The following CHPF2 variants were observed in gnomAD, a reference collection of about 807,000 sequenced individuals.
CHPF2 encodes the protein chondroitin polymerizing factor 2, also known as chondroitin polymerizing factor 2, non-catalytic subunit.
A neutral mutation model predicts 63.0 loss-of-function variants in CHPF2; 58 were observed. The ratio of observed to expected loss-of-function variants is 0.92; its 90% CI spans 0.75 to 1.15. The LOEUF (loss-of-function observed/expected upper bound fraction) is 1.15, where lower values mean the gene tolerates loss of function less well. Among genes scored for constraint, CHPF2 ranks in the 50% most tolerant of loss-of-function variants. CHPF2 has a pLI of 0.00. For synonymous variants in CHPF2, 442 were observed against 438.0 expected, an observed-to-expected ratio of 1.01 and a Z score of -0.11; for missense variants, 1,045 against 1,035.4, an observed-to-expected ratio of 1.01 and a Z score of -0.13.
rs769832181 is a variant in CHPF2 at position 151,235,452 on chromosome 7, G to C, written c.668G>C (p.Cys223Ser). ...FIGAGEQARY[C>S]HGGFGYLLSR... ...GGCGCAGGCGAGCAGGCCCGGTACTGTCATGGGGGCTTTGGCTACCTGTTG... is the reference window on the plus strand; with the variant it reads ...GGCGCAGGCGAGCAGGCCCGGTACTCTCATGGGGGCTTTGGCTACCTGTTG... The change falls in exon 2 of 4, where the codon TGT (cysteine) becomes TCT (serine). Residue 223 changes from cysteine (C) to serine (S), a missense_variant. Transcript: ENST00000035307. The C allele has an allele frequency of 1.2e-6, 2 of 1,612,050 alleles. No individual in the cohort carries two copies. Among genetic ancestry groups the C allele is most frequent in the South Asian group, 2.2e-5 (2 of 91,082 alleles).
In CHPF2 at chr7:151,232,623, A is replaced by G. The variant is rs1039027116; in HGVS notation, c.-1389A>G. ...GTGCGGGACGCCGCTCTTGGTCCCCACGCCTCCGCCCCGCCCCCTCCCGGG... is the reference window on the plus strand; with the variant it reads ...GTGCGGGACGCCGCTCTTGGTCCCCGCGCCTCCGCCCCGCCCCCTCCCGGG... On this transcript the variant is annotated 5_prime_UTR_variant, in exon 1 of 4. Transcript: ENST00000035307. The G allele has an allele frequency of 8.5e-5, 68 of 799,322 alleles. No individual in the cohort carries two copies. The highest frequency in any genetic ancestry group is 1.7e-4 in the Admixed American group (5 of 29,132). 49.5% of individuals were successfully genotyped at this position (799,322 alleles called of 1,614,324 possible).
At chr7:151,236,375 G>A (rs1802648550) in intron 2 of CHPF2, 33 bp from the exon 3 acceptor site, 1 of 1,533,330 alleles carries the variant, frequency 6.5e-7, no homozygotes, top group East Asian at 2.3e-5. Flanking sequence ...CAGCTCTTGT[G>A]TGTGTCATTG....
Position 151,235,173 on chromosome 7 carries a change from G to T in CHPF2, c.389G>T (p.Arg130Leu). ...VNRTVAHHFP[R>L]LLYFTGQRGA... is the part of the protein sequence containing the mutation. ...CGTACGGTGGCCCATCACTTCCCTC[G>T]GTTACTCTACTTCACTGGGCAGCGG... The change falls in exon 2 of 4, where the codon CGG (arginine) becomes CTG (leucine). Residue 130 changes from arginine (R) to leucine (L), a missense_variant. Transcript: ENST00000035307. 1 of 1,613,358 alleles carries T rather than the reference G, an allele frequency of 6.2e-7. No individual in the cohort carries two copies. The highest frequency in any genetic ancestry group is 1.3e-5 in the African/African-American group (1 of 75,036).
In CHPF2 at chr7:151,238,078, C is replaced by T. The variant is rs753457575; in HGVS notation, c.1716C>T (p.Ser572=). 2 of 1,612,390 alleles carry T rather than the reference C, an allele frequency of 1.2e-6. No homozygotes were observed. Among genetic ancestry groups the T allele is most frequent in the Non-Finnish European group, 1.7e-6 (2 of 1,180,002 alleles). ...AWLAVRAEAP[S]QVRLMDVVSK... ...TCGCTGTGCGAGCAGAGGCCCCTTC[C>T]CAGGTGCGACTCATGGACGTGGTCT... The change falls in exon 4 of 4, where the codon TCC becomes TCT. Residue 572 remains serine, a synonymous_variant. Coordinates refer to ENST00000035307, the MANE Select transcript of CHPF2 (RefSeq NM_019015.3).
At position 151,233,417 on chromosome 7, in the gene CHPF2, G is replaced by C. The variant is rs1802532283; in HGVS notation, c.-595G>C. On this transcript the variant is annotated 5_prime_UTR_variant, in exon 1 of 4. Coordinates refer to ENST00000035307, the MANE Select transcript of CHPF2 (RefSeq NM_019015.3). ...CTTCTCAAACACGGGGAGCAGAGTA[G>C]AAAGAGGCTCTGGCCCCTTCCCTTG... is the stretch of plus-strand genomic sequence containing the variant. The C allele has an allele frequency of 1.4e-5, 14 of 985,622 alleles. No homozygotes were observed. In the South Asian group the frequency reaches 4.7e-4, roughly 33 times the overall value. The allele number at this position is 985,622 out of a possible 1,614,324, so 61.1% of individuals were successfully genotyped here. A position where few individuals can be genotyped will look rare whatever the true frequency, so the allele number is the denominator to read the frequency against.
At chr7:151,236,205 C>G (rs62489655) in intron 2 of CHPF2, among the ~76,000 whole-genome samples, 3 of 152,146 alleles carry the variant, frequency 2.0e-5, no homozygotes, top group Non-Finnish European at 4.4e-5. Flanking sequence ...CCGAGAGTGT[C>G]CTTAGTTGCC....
In CHPF2 at chr7:151,233,353, G is replaced by A; in HGVS notation, c.-659G>A. ...TGTGCCATGCGAGTGGCTCCAGACC[G>A]CTCCTGAGTGGGAGGAGGGGTTCCT... On this transcript the variant is annotated 5_prime_UTR_variant, in exon 1 of 4. Transcript: ENST00000035307. The A allele has an allele frequency of 1.0e-6, 1 of 986,026 alleles. No homozygotes were observed. Among genetic ancestry groups the A allele is most frequent in the South Asian group, 4.7e-5 (1 of 21,350 alleles). The allele number at this position is 986,026 out of a possible 1,614,324, so 61.1% of individuals were successfully genotyped here.
chr7:151,236,322 C>T, intron 2 of CHPF2, 86 bp from the exon 3 acceptor site: 1 of 1,209,820 alleles, frequency 8.3e-7, no homozygotes, highest in Non-Finnish European at 1.2e-6. Context: ...GCAGTGCTAA[C>T]AGATGTGAAC....
rs775783740 is a variant in CHPF2 at position 151,237,956 on chromosome 7, C to T, written c.1594C>T (p.Arg532Ter). 21 of 1,613,040 alleles carry T rather than the reference C, an allele frequency of 1.3e-5. No homozygotes were observed. Among genetic ancestry groups the T allele is most frequent in the Admixed American group, 1.7e-5 (1 of 60,014 alleles). ...CACCCTGTTGCTGGTCTACGGGCCACGAGAAGGTGGCCGTGGAGCTCCAGA... is the reference window on the plus strand; with the variant it reads ...CACCCTGTTGCTGGTCTACGGGCCATGAGAAGGTGGCCGTGGAGCTCCAGA... ...LLTLLLVYGP[R>*]EGGRGAPDPF... The change falls in exon 4 of 4, where the codon CGA (arginine) becomes TGA (stop). Residue 532 changes from arginine to a stop codon, truncating the protein, a stop_gained. Coordinates refer to ENST00000035307, the MANE Select transcript of CHPF2 (RefSeq NM_019015.3). LOFTEE classifies it high-confidence loss of function.
intron 2 of CHPF2, among the ~76,000 whole-genome samples, chr7:151,235,903 G>T (rs568362478): frequency 6.6e-6 from 1 of 152,358 alleles, no homozygotes; most frequent in East Asian, 1.9e-4. Flanking sequence ...AGTTATGGCA[G>T]TGTGGGCATG....
At position 151,233,911 on chromosome 7, in the gene CHPF2, C is replaced by T. The variant is rs1243888618; in HGVS notation, c.-101C>T. 7.3e-7 allele frequency: 1 copy of T among 1,378,708 alleles called. No individual in the cohort carries two copies. Among genetic ancestry groups the T allele is most frequent in the African/African-American group, 1.5e-5 (1 of 67,854 alleles). 85.4% of individuals were successfully genotyped at this position (1,378,708 alleles called of 1,614,324 possible). ...TCTTTGGCCTCATTGACCCCAGGTT[C>T]TCTGGTTAAAACTGAAAGCCTACTA... On this transcript the variant is annotated 5_prime_UTR_variant, in exon 1 of 4. Coordinates refer to ENST00000035307, the MANE Select transcript of CHPF2 (RefSeq NM_019015.3).
intron 3 of CHPF2, chr7:151,236,900 C>T (rs1802671145): frequency 1.1e-5 from 6 of 550,370 alleles, no homozygotes; most frequent in Non-Finnish European, 1.7e-5. Flanking sequence ...TTAGCTCCTC[C>T]TCAATAGTGC....
In CHPF2 at chr7:151,235,197, G is replaced by A. The variant is rs781132727; in HGVS notation, c.413G>A (p.Arg138Gln). ...FPRLLYFTGQ[R>Q]GARAPAGMQV... ...CGGTTACTCTACTTCACTGGGCAGC[G>A]GGGGGCCCGGGCTCCAGCAGGGATG... is the stretch of plus-strand genomic sequence containing the variant. The change falls in exon 2 of 4, where the codon CGG becomes CAG. Residue 138 changes from arginine to glutamine, a missense_variant. Transcript: ENST00000035307. 13 of 1,612,646 alleles carry A rather than the reference G, an allele frequency of 8.1e-6. No homozygotes were observed. Among genetic ancestry groups the A allele is most frequent in the South Asian group, 1.1e-5 (1 of 90,994 alleles).
intron 2 of CHPF2, among the ~76,000 whole-genome samples, chr7:151,235,858 C>G (rs760331124): frequency 7.2e-6 from 1 of 139,548 alleles, no homozygotes; most frequent in Non-Finnish European, 1.6e-5. Flanking sequence ...CCCCTGCCCC[C>G]CTGCCCTCCA....
At position 151,238,328 on chromosome 7, in the gene CHPF2, CG is replaced by C. The variant is rs756745837; in HGVS notation, c.1972del (p.Ala658LeufsTer3). ...PPSPPGADPS[R>X]GAPIGGRFDR... is the part of the protein sequence containing the mutation. ...CTCCCCTCCTGGTGCTGACCCCTCC[CG>C]GGGGGCTCCTATAGGGGGGAGATTT... On this transcript the variant is annotated frameshift_variant, in exon 4 of 4. Transcript: ENST00000035307. LOFTEE classifies it high-confidence loss of function. 6.8e-6 allele frequency: 11 copies of C among 1,609,742 alleles called. No individual in the cohort carries two copies. Among genetic ancestry groups the C allele is most frequent in the East Asian group, 4.5e-5 (2 of 44,800 alleles).
intron 3 of CHPF2, chr7:151,236,978 G>C (rs1297267989): frequency 3.8e-6 from 2 of 527,760 alleles, no homozygotes; most frequent in Non-Finnish European, 3.6e-6. Context: ...AAAGCCCAAG[G>C]GTAGAAGGGA....
In CHPF2 at chr7:151,238,056, C is replaced by T. The variant is rs750851899; in HGVS notation, c.1694C>T (p.Ala565Val). ...CCTGGGACGAGGCTGGCCTGGCTCG[C>T]TGTGCGAGCAGAGGCCCCTTCCCAG... ...RYPGTRLAWL[A>V]VRAEAPSQVR... The change falls in exon 4 of 4, where the codon GCT becomes GTT. Residue 565 changes from alanine to valine, a missense_variant. Ala to Val is a moderately conservative substitution (Grantham distance 64). Coordinates refer to ENST00000035307, the MANE Select transcript of CHPF2 (RefSeq NM_019015.3). 5.6e-6 allele frequency: 9 copies of T among 1,612,364 alleles called. No homozygotes were observed. The highest frequency in any genetic ancestry group is 7.6e-6 in the Non-Finnish European group (9 of 1,180,030).
chr7:151,236,095 T>C (rs985527707), intron 2 of CHPF2, among the ~76,000 whole-genome samples: 42 of 152,316 alleles, frequency 2.8e-4, no homozygotes, highest in Non-Finnish European at 5.7e-4. Flanking sequence ...ATGGGAATCT[T>C]TGGGGGAAGA....
Position 151,234,634 on chromosome 7 carries a change from G to A in CHPF2, c.263+360G>A, listed in dbSNP as rs552166786. 1.3e-4 allele frequency among the ~76,000 whole-genome samples: 20 copies of A among 152,260 alleles called. No homozygotes were observed. The East Asian group carries it at 3.9e-3, about 29-fold the overall frequency. On this transcript the variant is annotated intron_variant, in intron 1 of 3. Coordinates refer to ENST00000035307, the MANE Select transcript of CHPF2 (RefSeq NM_019015.3). The stretch of plus-strand genomic sequence containing the variant: ...AGCCTTGCGAGTAGCTGGTATTACA[G>A]GTGCACACCACCACGCCCAGCTAAT...
Sources: gnomAD v4.1 joint callset for allele counts (sites outside exome capture counted in the v4.1 genomes callset) on GRCh38, gnomAD v4.1.1 for gene constraint, MANE v1.5 for transcripts, NCBI Gene and HGNC (gene_info 2026-07-23, HGNC 2026-07-21) for gene names.